KBTBD4: variants seen among roughly 807,000 people sequenced by gnomAD.
KBTBD4 encodes kelch repeat and BTB domain-containing protein 4.
KBTBD4 carries 30 observed loss-of-function variants against 43.9 expected under a neutral mutation model. The observed-to-expected ratio is 0.68, with a 90% CI of 0.51 to 0.93. The LOEUF (loss-of-function observed/expected upper bound fraction) is 0.93. Among genes scored for constraint, KBTBD4 ranks in the 40% least tolerant of loss-of-function variants. The pLI, the probability that KBTBD4 is intolerant of heterozygous loss-of-function variation, is 0.00. For synonymous variants in KBTBD4, 258 were observed against 256.9 expected, an observed-to-expected ratio of 1.00 and a Z score of -0.04; for missense variants, 575 against 668.8, an observed-to-expected ratio of 0.86 and a Z score of 1.55.
In KBTBD4 at chr11:47,577,572, T is replaced by G. The variant is rs997348390; in HGVS notation, c.476A>C (p.Gln159Pro). Reference protein sequence around the residue: ...ECSRFLARTVQVGNCLQVMWL... With the variant: ...ECSRFLARTVPVGNCLQVMWL... ...CATCACCTGAAGGCAGTTTCCCACT[T>G]GCACTGTGCGGGCCAAAAACCGAGA... is the stretch of plus-strand genomic sequence containing the variant. Residue 159 changes from glutamine to proline, a missense_variant, in exon 2 of 4, where the codon CAA becomes CCA. Physicochemically the swap from Gln to Pro is moderately conservative, Grantham distance 76. Coordinates refer to ENST00000430070, the MANE Select transcript of KBTBD4 (RefSeq NM_018095.6). 6.2e-7 allele frequency: 1 copy of G among 1,614,172 alleles called. No individual in the cohort carries two copies. Among genetic ancestry groups the G allele is most frequent in the Non-Finnish European group, 8.5e-7 (1 of 1,180,030 alleles).
Position 47,575,574 on chromosome 11 carries a change from A to G in KBTBD4, c.744+19T>C, listed in dbSNP as rs1259353570. 2.0e-6 allele frequency: 3 copies of G among 1,511,508 alleles called. No individual in the cohort carries two copies. The highest frequency in any genetic ancestry group is 1.7e-5 in the Admixed American group (1 of 59,384). 93.6% of individuals were successfully genotyped at this position (1,511,508 alleles called of 1,614,324 possible). A position where few individuals can be genotyped will look rare whatever the true frequency, so the allele number is the denominator to read the frequency against. ...GCATGGAGAGTATGCAGTCTCAACA[A>G]TTAAGAGATTTGCCTTACCTTCAAG... On this transcript the variant is annotated intron_variant, in intron 3 of 3. Transcript: ENST00000430070.
At chr11:47,576,819 G>A (rs1191384904) in intron 2 of KBTBD4, among the ~76,000 whole-genome samples, 1 of 152,026 alleles carries the variant, frequency 6.6e-6, no homozygotes, top group African/African-American at 2.4e-5. Context: ...TGAGACTACA[G>A]GTGCAAGCCA....
rs1456310656 is a variant in KBTBD4, at chr11:47,575,605, C to A, written c.732G>T (p.Arg244Ser). ...AGATTTGCCTTACCTTCAAGCTTGT[C>A]CTGAGTGACTCTGCAAAAGCCTCTC... ...EEREAFAESL[R>S]TSLKEIGENV... The change falls in exon 3 of 4, where the codon AGG (arginine) becomes AGT (serine). Residue 244 changes from arginine to serine, a missense_variant. Arg to Ser is a moderately radical substitution (Grantham distance 110). Transcript: ENST00000430070. 1 of 1,608,640 alleles carries A rather than the reference C, an allele frequency of 6.2e-7. No individual in the cohort carries two copies. The highest frequency in any genetic ancestry group is 1.7e-5 in the Admixed American group (1 of 59,966).
chr11:47,578,475 C>G (rs2097264565), intron 1 of KBTBD4: 3 of 597,250 alleles, frequency 5.0e-6, no homozygotes, highest in Non-Finnish European at 8.9e-6. Flanking sequence ...CAGGTCCTCT[C>G]CTTCCCAGCG....
Position 47,573,223 on chromosome 11 carries a change from G to A in KBTBD4, c.1312C>T (p.Arg438Cys), listed in dbSNP as rs1417352720. ...TCTTTATGCACAGCTGCGTGCATGCGGCCTGCAAAGGGCAGCACATAGGGC... is the reference window on the plus strand; with the variant it reads ...TCTTTATGCACAGCTGCGTGCATGCAGCCTGCAAAGGGCAGCACATAGGGC... ...VKPYVLPFAGRMHAAVHKDLV... is the reference protein window; with the variant it reads ...VKPYVLPFAGCMHAAVHKDLV... The change falls in exon 4 of 4, where the codon CGC becomes TGC. Residue 438 changes from arginine to cysteine, a missense_variant. Transcript: ENST00000430070. The surrounding 1 kb of genome is among the most constrained non-coding windows in gnomAD (Gnocchi z 4.1). The A allele has an allele frequency of 1.2e-5, 19 of 1,614,000 alleles. No homozygotes were observed. Among genetic ancestry groups the A allele is most frequent in the South Asian group, 4.4e-5 (4 of 91,086 alleles).
rs757591605 is a variant in KBTBD4 at position 47,573,702 on chromosome 11, T to C, written c.833A>G (p.Asp278Gly). The C allele has an allele frequency of 6.2e-7, 1 of 1,608,700 alleles. No homozygotes were observed. Among genetic ancestry groups the C allele is most frequent in the Non-Finnish European group, 8.5e-7 (1 of 1,179,988 alleles). The change falls in exon 4 of 4, where the codon GAT becomes GGT. Residue 278 changes from aspartate to glycine, a missense_variant. Asp to Gly is a moderately conservative substitution (Grantham distance 94). Transcript: ENST00000430070. The surrounding 1 kb of genome is among the most constrained non-coding windows in gnomAD (Gnocchi z 4.1). ...TTGGCCACTTACACTGATGGAGTCATCTTCTGCACAGTGCAAGGACACAGC... is the reference window on the plus strand; with the variant it reads ...TTGGCCACTTACACTGATGGAGTCACCTTCTGCACAGTGCAAGGACACAGC... The part of the protein sequence containing the change: ...SLAVSLHCAE[D>G]DSISVSGQNS...
intron 2 of KBTBD4, among the ~76,000 whole-genome samples, chr11:47,577,138 T>C (rs964145803): frequency 2.0e-5 from 3 of 152,174 alleles, no homozygotes; most frequent in Non-Finnish European, 4.4e-5. Flanking sequence ...CAGGATAAAT[T>C]AGAGTATAAT....
At chr11:47,576,929 G>A (rs144915398) in intron 2 of KBTBD4, among the ~76,000 whole-genome samples, 1,531 of 152,160 alleles carry the variant, frequency 0.01, 20 homozygotes, top group Middle Eastern at 0.024. Context: ...CACCCACCTC[G>A]GCCTCCCAAA....
At chr11:47,578,092 G>T in intron 1 of KBTBD4, 64 bp from the exon 2 acceptor site, 1 of 1,576,410 alleles carries the variant, frequency 6.3e-7, no homozygotes. Flanking sequence ...GAATCCAACT[G>T]TCCAACTCAG....
rs144325348 is a variant in KBTBD4, at chr11:47,573,579, T to C, written c.956A>G (p.Asn319Ser). 9 of 1,613,826 alleles carry C rather than the reference T, an allele frequency of 5.6e-6. No homozygotes were observed. Among genetic ancestry groups the C allele is most frequent in the Middle Eastern group, 1.6e-4 (1 of 6,082 alleles). The change falls in exon 4 of 4, where the codon AAT (asparagine) becomes AGT (serine). Residue 319 changes from asparagine to serine, a missense_variant. Coordinates refer to ENST00000430070, the MANE Select transcript of KBTBD4 (RefSeq NM_018095.6). The surrounding 1 kb of genome is among the most constrained non-coding windows in gnomAD (Gnocchi z 4.1). ...SIPRRMWKCN[N>S]ATVDWEWCAP... ...ACACCACTCCCAGTCAACGGTGGCA[T>C]TGTTGCACTTCCACATGCGCCGTGG...
chr11:47,573,334 C>G lies in KBTBD4; in HGVS notation c.1201G>C (p.Gly401Arg). 6.2e-7 allele frequency: 1 copy of G among 1,614,236 alleles called. No individual in the cohort carries two copies. Among genetic ancestry groups the G allele is most frequent in the African/African-American group, 1.3e-5 (1 of 75,050 alleles). Residue 401 changes from glycine to arginine, a missense_variant, in exon 4 of 4, where the codon GGG becomes CGG. Gly to Arg is a moderately radical substitution (Grantham distance 125). Coordinates refer to ENST00000430070, the MANE Select transcript of KBTBD4 (RefSeq NM_018095.6). This position sits in a 1 kb window ranked among gnomAD's most constrained non-coding sequence, Gnocchi z 4.1. Reference protein sequence around the residue: ...NLNGIIYLLGGEENDLDFFTK... With the variant: ...NLNGIIYLLGREENDLDFFTK... ...AAGAAGTCCAGATCATTCTCCTCCC[C>G]CCCTAGTAAGTAGATGATCCCGTTG...
intron 1 of KBTBD4, chr11:47,578,279 A>G (rs1598800142): frequency 3.4e-6 from 2 of 591,752 alleles, no homozygotes; most frequent in East Asian, 5.6e-5. Context: ...CTGAGAAAAC[A>G]CGGAATAATT....
rs1030355641 is a variant in KBTBD4, at chr11:47,573,731, C to T, written c.804G>A (p.Ser268=). ...CTGCACAGTGCAAGGACACAGCCAA[C>T]GAGTGGGTACGAGATGACTCTTTCC... is the stretch of plus-strand genomic sequence containing the variant. ...LIGKESSRTH[S]LAVSLHCAED... The change falls in exon 4 of 4, where the codon TCG becomes TCA. Residue 268 remains serine (S), a synonymous_variant. Coordinates refer to ENST00000430070, the MANE Select transcript of KBTBD4 (RefSeq NM_018095.6). The surrounding 1 kb of genome is among the most constrained non-coding windows in gnomAD (Gnocchi z 4.1). 2.5e-6 allele frequency: 4 copies of T among 1,594,568 alleles called. No individual in the cohort carries two copies. The highest frequency in any genetic ancestry group is 1.1e-5 in the South Asian group (1 of 90,968).
At position 47,573,623 on chromosome 11, in the gene KBTBD4, A is replaced by G; in HGVS notation, c.912T>C (p.Tyr304=). The stretch of plus-strand genomic sequence containing the variant: ...GCCGTGGGATGGACCCTCCCACCAC[A>G]TACAAGTCTCCACCATGCTTGCAGG... The part of the protein sequence containing the change: ...TAACKHGGDL[Y]VVGGSIPRRM... The change falls in exon 4 of 4, where the codon TAT becomes TAC. Residue 304 remains tyrosine (Y), a synonymous_variant. Transcript: ENST00000430070. The surrounding 1 kb of genome is among the most constrained non-coding windows in gnomAD (Gnocchi z 4.1). The G allele has an allele frequency of 6.2e-7, 1 of 1,614,078 alleles. No individual in the cohort carries two copies. The highest frequency in any genetic ancestry group is 8.5e-7 in the Non-Finnish European group (1 of 1,180,022).
At chr11:47,577,170 T>C (rs975583017) in intron 2 of KBTBD4, among the ~76,000 whole-genome samples, 79 of 152,190 alleles carry the variant, frequency 5.2e-4, no homozygotes, top group African/African-American at 1.6e-3. Flanking sequence ...CTCACTACTC[T>C]GTGTGGTTAA....
intron 2 of KBTBD4, 44 bp downstream of exon 2, chr11:47,577,367 A>C: frequency 6.5e-7 from 1 of 1,539,778 alleles, no homozygotes; most frequent in Non-Finnish European, 8.8e-7. Context: ...ACTGAACATC[A>C]TAGCCAAGTA....
chr11:47,573,841 C>A lies in KBTBD4; in HGVS notation c.745-51G>T. ...ACAGCTGTTAAATTCTAGGCTAAGGCTCAGCTAAGACACATATCCTTAAGA... is the reference window on the plus strand; with the variant it reads ...ACAGCTGTTAAATTCTAGGCTAAGGATCAGCTAAGACACATATCCTTAAGA... On this transcript the variant is annotated intron_variant, in intron 3 of 3. Transcript: ENST00000430070. The surrounding 1 kb of genome is among the most constrained non-coding windows in gnomAD (Gnocchi z 4.1). 1 of 1,499,944 alleles carries A rather than the reference C, an allele frequency of 6.7e-7. No homozygotes were observed. The highest frequency in any genetic ancestry group is 9.0e-7 in the Non-Finnish European group (1 of 1,110,832). The allele number at this position is 1,499,944 out of a possible 1,614,324, so 92.9% of individuals were successfully genotyped here.
chr11:47,573,314 G>C lies in KBTBD4; in HGVS notation c.1221C>G (p.Asp407Glu), dbSNP rs758359875. The C allele has an allele frequency of 6.2e-7, 1 of 1,614,184 alleles. No individual in the cohort carries two copies. Among genetic ancestry groups the C allele is most frequent in the Non-Finnish European group, 8.5e-7 (1 of 1,180,042 alleles). ...TGAGTCGGGAAGGTTTGGTAAAGAA[G>C]TCCAGATCATTCTCCTCCCCCCCTA... ...YLLGGEENDL[D>E]FFTKPSRLIQ... Residue 407 changes from aspartate to glutamate, a missense_variant, in exon 4 of 4, where the codon GAC (aspartate) becomes GAG (glutamate). Coordinates refer to ENST00000430070, the MANE Select transcript of KBTBD4 (RefSeq NM_018095.6). The surrounding 1 kb of genome is among the most constrained non-coding windows in gnomAD (Gnocchi z 4.1).
intron 1 of KBTBD4, 192 bp from the exon 2 acceptor site, chr11:47,578,220 C>T (rs2097263937): frequency 1.7e-6 from 1 of 604,834 alleles, no homozygotes; most frequent in Non-Finnish European, 2.9e-6. Context: ...TCCCCAGTGG[C>T]GCCCCTCCGC....
Sources: allele counts gnomAD v4.1 joint callset (sites outside exome capture counted in the v4.1 genomes callset), GRCh38; gene constraint gnomAD v4.1.1; non-coding constraint Gnocchi (gnomAD v3.1); transcripts MANE v1.5; gene names NCBI Gene and HGNC (gene_info 2026-07-23, HGNC 2026-07-21).